Variants in NUBPL observed in about 807,000 individuals in gnomAD.
The protein encoded by NUBPL is iron-sulfur cluster transfer protein NUBPL.
Under a neutral mutation model 45.7 loss-of-function variants are expected in NUBPL, and 31 were observed. The observed-to-expected ratio is 0.68, with a 90% confidence interval of 0.51 to 0.92. The LOEUF is 0.92. Ranked by LOEUF, NUBPL falls within the 40% of genes least tolerant of loss-of-function variation. NUBPL has a pLI of 0.00. For missense variants in NUBPL, 401 were observed against 398.7 expected (o/e 1.01, Z -0.05); for synonymous variants, 144 against 140.9 (o/e 1.02, Z -0.15).
intron 3 of NUBPL, among the ~76,000 whole-genome samples, chr14:31,579,712 G>A (rs1043456524): frequency 2.0e-5 from 3 of 152,132 alleles, no homozygotes; most frequent in Admixed American, 6.5e-5. Flanking sequence ...TCACCAGTCC[G>A]TAGCTAAAGC....
intron 7 of NUBPL, among the ~76,000 whole-genome samples, chr14:31,812,445 C>T (rs558629588): frequency 3.3e-5 from 5 of 152,314 alleles, no homozygotes; most frequent in Admixed American, 1.3e-4. Context: ...CTTAGCCAGG[C>T]GCGGGATGTA....
At chr14:31,731,434 G>A (rs2038046520) in intron 6 of NUBPL, among the ~76,000 whole-genome samples, 2 of 152,190 alleles carry the variant, frequency 1.3e-5, no homozygotes, top group Admixed American at 6.5e-5. Context: ...TCACTTCTTA[G>A]TGGGCACTGC....
chr14:31,806,828 G>T (rs76917446), intron 7 of NUBPL, among the ~76,000 whole-genome samples: 1 of 152,148 alleles, frequency 6.6e-6, no homozygotes, highest in African/African-American at 2.4e-5. Flanking sequence ...GTGTCCAAGT[G>T]TTCTCATTGT....
Position 31,561,446 on chromosome 14 carries a change from A to C in NUBPL, c.7A>C (p.Ile3Leu), listed in dbSNP as rs2033272155. 1 of 1,412,598 alleles carries C rather than the reference A, an allele frequency of 7.1e-7. No homozygotes were observed. Among genetic ancestry groups the C allele is most frequent in the African/African-American group, 1.5e-5 (1 of 67,710 alleles). The allele number at this position is 1,412,598 out of a possible 1,614,324, so 87.5% of individuals were successfully genotyped here. A position where few individuals can be genotyped will look rare whatever the true frequency, so the allele number is the denominator to read the frequency against. ...CACAGCAGCGTTCCGCGTCATGGGG[A>C]TTTGGCAGCGTCTGCTGCTTTTTGG... is the stretch of plus-strand genomic sequence containing the variant. Reference protein sequence around the residue: MGIWQRLLLFGGV... With the variant: MGLWQRLLLFGGV... Residue 3 changes from isoleucine (I) to leucine (L), a missense_variant, in exon 1 of 11, where the codon ATT (isoleucine) becomes CTT (leucine). Ile to Leu is a conservative substitution (Grantham distance 5). Coordinates refer to ENST00000281081, the MANE Select transcript of NUBPL (RefSeq NM_025152.3).
rs114317473 is a variant in NUBPL, at chr14:31,791,527, C to G, written c.607+3654C>G. Among the ~76,000 whole-genome samples the G allele has an allele frequency of 6.5e-3, 992 of 152,086 alleles. 11 individuals are homozygous for G. Among genetic ancestry groups the G allele is most frequent in the African/African-American group, 0.022 (931 of 41,460 alleles). ...GGAAAATATATTTATATATGGTATA[C>G]AGAAACACTAATTTTGTATATAAAT... On this transcript the variant is annotated intron_variant, in intron 7 of 10. Coordinates refer to ENST00000281081, the MANE Select transcript of NUBPL (RefSeq NM_025152.3).
intron 4 of NUBPL, among the ~76,000 whole-genome samples, chr14:31,612,272 T>C (rs913148583): frequency 1.3e-5 from 2 of 152,236 alleles, no homozygotes; most frequent in African/African-American, 2.4e-5. Context: ...CAGACAAATC[T>C]ATAGGAAAAC....
intron 4 of NUBPL, among the ~76,000 whole-genome samples, chr14:31,643,407 C>G (rs1171068522): frequency 6.6e-6 from 1 of 152,072 alleles, no homozygotes; most frequent in Non-Finnish European, 1.5e-5. Context: ...TTGAAATGAT[C>G]ACATGATATT....
intron 6 of NUBPL, among the ~76,000 whole-genome samples, chr14:31,705,467 C>T (rs2037428518): frequency 6.6e-6 from 1 of 152,180 alleles, no homozygotes; most frequent in South Asian, 2.1e-4. Flanking sequence ...TTATAGAGAG[C>T]TGATTGGTCC....
intron 4 of NUBPL, among the ~76,000 whole-genome samples, chr14:31,642,160 AG>A (rs1181106158): frequency 6.6e-6 from 1 of 151,928 alleles, no homozygotes; most frequent in African/African-American, 2.4e-5. Flanking sequence ...TTGTTTCCTT[AG>A]CTGTGCAGAA....
intron 3 of NUBPL, among the ~76,000 whole-genome samples, chr14:31,593,899 T>G (rs984381632): frequency 1.3e-5 from 2 of 151,946 alleles, no homozygotes; most frequent in Admixed American, 1.3e-4. Flanking sequence ...ATGTATGGAA[T>G]AGATTAGAAA....
rs189636943 is a variant in NUBPL, at chr14:31,677,173, G to T, written c.513+3599G>T. On this transcript the variant is annotated intron_variant, in intron 6 of 10. Transcript: ENST00000281081. The stretch of plus-strand genomic sequence containing the variant: ...TCATCCCCTCAAGCATTTATCCTTT[G>T]TGTTTCAAACAATCGAATTATACTC... Among the ~76,000 whole-genome samples, 114 of 152,166 alleles carry T rather than the reference G, an allele frequency of 7.5e-4. No homozygotes were observed. In the Middle Eastern group the frequency reaches 0.014, roughly 18 times the overall value.
chr14:31,766,903 C>T (rs1485213076), intron 6 of NUBPL, among the ~76,000 whole-genome samples: 1 of 151,678 alleles, frequency 6.6e-6, no homozygotes, highest in Admixed American at 6.6e-5. Context: ...TTATGTGGTA[C>T]TGAAGATGGC....
chr14:31,588,822 G>A (rs1268124057), intron 3 of NUBPL, among the ~76,000 whole-genome samples: 1 of 151,248 alleles, frequency 6.6e-6, no homozygotes, highest in South Asian at 2.1e-4. Flanking sequence ...GGGAGGTTGA[G>A]GCAGAAGAAT....
At chr14:31,718,912 A>G (rs1032109497) in intron 6 of NUBPL, among the ~76,000 whole-genome samples, 10 of 152,312 alleles carry the variant, frequency 6.6e-5, no homozygotes, top group Non-Finnish European at 1.5e-5. Flanking sequence ...TTGCATGACT[A>G]CACAGAATAA....
At chr14:31,617,951 A>G (rs1293025530) in intron 4 of NUBPL, among the ~76,000 whole-genome samples, 1 of 152,136 alleles carries the variant, frequency 6.6e-6, no homozygotes, top group African/African-American at 2.4e-5. Flanking sequence ...CCTCAATTTC[A>G]GAACTTGTTT....
chr14:31,798,760 C>G (rs894956249), intron 7 of NUBPL, among the ~76,000 whole-genome samples: 9 of 130,146 alleles, frequency 6.9e-5, no homozygotes, highest in African/African-American at 2.6e-4. Flanking sequence ...CCACTGCACT[C>G]CAGCCTGGGT....
intron 3 of NUBPL, among the ~76,000 whole-genome samples, chr14:31,595,021 T>C (rs981805543): frequency 6.6e-6 from 1 of 152,206 alleles, no homozygotes; most frequent in Non-Finnish European, 1.5e-5. Context: ...AAGGAACATA[T>C]CATGAAGCTT....
At chr14:31,694,418 C>A (rs2037168354) in intron 6 of NUBPL, among the ~76,000 whole-genome samples, 1 of 152,156 alleles carries the variant, frequency 6.6e-6, no homozygotes, top group Non-Finnish European at 1.5e-5. Context: ...TTTTTTCACT[C>A]ATTTAGTAAT....
chr14:31,746,022 CT>C lies in NUBPL; in HGVS notation c.514-41757del, dbSNP rs2038392125. Among the ~76,000 whole-genome samples, 3 of 152,084 alleles carry C rather than the reference CT, an allele frequency of 2.0e-5. No homozygotes were observed. In the South Asian group the frequency reaches 6.2e-4, roughly 32 times the overall value. ...GCGGACTCTCTTAGAAAAGCTGCCC[CT>C]CACCCCGCTCAGCTGAAATTGTCTA... On this transcript the variant is annotated intron_variant, in intron 6 of 10. Transcript: ENST00000281081.
Sources: gnomAD v4.1 joint callset for allele counts (sites outside exome capture counted in the v4.1 genomes callset) on GRCh38, gnomAD v4.1.1 for gene constraint, MANE v1.5 for transcripts, NCBI Gene and HGNC (gene_info 2026-07-23, HGNC 2026-07-21) for gene names.